Variants in EVPL observed in about 807,000 individuals in gnomAD.
EVPL encodes 210 kDa cornified envelope precursor protein.
Under a neutral mutation model 129.7 loss-of-function variants are expected in EVPL, and 94 were observed. That is an observed-to-expected ratio of 0.72 (90% CI 0.61 to 0.86). EVPL has a LOEUF of 0.86. EVPL is among the 40% of genes least tolerant of loss of function. EVPL has a pLI of 0.00. For missense variants in EVPL, 2,625 were observed against 2,721.1 expected (o/e 0.96, Z 0.79); for synonymous variants, 1,172 against 1,191.1 (o/e 0.98, Z 0.33).
In EVPL at chr17:76,024,222, C is replaced by G; in HGVS notation, c.99-102G>C. 1 of 1,079,526 alleles carries G rather than the reference C, an allele frequency of 9.3e-7. No individual in the cohort carries two copies. Among genetic ancestry groups the G allele is most frequent in the Non-Finnish European group, 1.4e-6 (1 of 728,370 alleles). 66.9% of individuals were successfully genotyped at this position (1,079,526 alleles called of 1,614,324 possible). ...CTCCCTCCACCCCATCCTGCCCCCA[C>G]AGCCTAGCTCACTGCCCTGACTTTG... On this transcript the variant is annotated intron_variant, in intron 1 of 21. Coordinates refer to ENST00000301607, the MANE Select transcript of EVPL (RefSeq NM_001988.4). The surrounding 1 kb of genome is among the most constrained non-coding windows in gnomAD (Gnocchi z 4.5).
At position 76,010,215 on chromosome 17, in the gene EVPL, G is replaced by A. The variant is rs1448388591; in HGVS notation, c.2990C>T (p.Ala997Val). 1 of 1,613,888 alleles carries A rather than the reference G, an allele frequency of 6.2e-7. No homozygotes were observed. The highest frequency in any genetic ancestry group is 1.7e-5 in the Admixed American group (1 of 60,010). Residue 997 changes from alanine to valine, a missense_variant, in exon 22 of 22, where the codon GCC (alanine) becomes GTC (valine). Physicochemically the swap from Ala to Val is moderately conservative, Grantham distance 64 (BLOSUM62 0). Transcript: ENST00000301607. ...AGLQADLEVA[A>V]QKVVQLESKR... ...GCTTTCCAGCTGCACGACCTTCTGGGCTGCCACTTCCAGGTCTGCCTGCAG... is the reference window on the plus strand; with the variant it reads ...GCTTTCCAGCTGCACGACCTTCTGGACTGCCACTTCCAGGTCTGCCTGCAG...
chr17:76,010,581 G>A (rs1315310439), intron 21 of EVPL, 38 bp from the exon 22 acceptor site: 2 of 1,559,808 alleles, frequency 1.3e-6, no homozygotes, highest in Non-Finnish European at 1.7e-6. Flanking sequence ...GGGGTGGGCG[G>A]TAGAGATAGG....
At position 76,011,999 on chromosome 17, in the gene EVPL, T is replaced by A; in HGVS notation, c.2457+7A>T. ...GGAGAGGGGCAAGCTGAAGGCAAGCTGCTTACCTGGAGCGCTGCCTGCAGG... is the reference window on the plus strand; with the variant it reads ...GGAGAGGGGCAAGCTGAAGGCAAGCAGCTTACCTGGAGCGCTGCCTGCAGG... On this transcript the variant is annotated splice_region_variant and intron_variant, in intron 19 of 21. Coordinates refer to ENST00000301607, the MANE Select transcript of EVPL (RefSeq NM_001988.4). 6.2e-7 allele frequency: 1 copy of A among 1,611,994 alleles called. No individual in the cohort carries two copies. The highest frequency in any genetic ancestry group is 8.5e-7 in the Non-Finnish European group (1 of 1,178,870).
chr17:76,020,294 TG>T (rs1360271768), intron 9 of EVPL, among the ~76,000 whole-genome samples: 13 of 152,226 alleles, frequency 8.5e-5, no homozygotes, highest in African/African-American at 2.7e-4. Context: ...CTCTTGCAAA[TG>T]GGGTCTTATT....
rs1370157121 is a variant in EVPL, at chr17:76,015,568, C to T, written c.1771G>A (p.Glu591Lys). The T allele has an allele frequency of 3.7e-6, 6 of 1,613,396 alleles. No homozygotes were observed. The African/African-American group carries it at 5.3e-5, about 14-fold the overall frequency. Residue 591 changes from glutamate (E) to lysine (K), a missense_variant, in exon 15 of 22, where the codon GAG becomes AAG. Glu to Lys is a moderately conservative substitution (Grantham distance 56). Transcript: ENST00000301607. ...TEKETAQKEC[E>K]AFLSTRPVGP... ...ACGGGCCGCGTGGACAGAAACGCCT[C>T]GCACTCCTTCTGGGCTGTCTCCTTC... is the stretch of plus-strand genomic sequence containing the variant.
chr17:76,016,315 T>C (rs939818756), intron 14 of EVPL, among the ~76,000 whole-genome samples: 37 of 152,216 alleles, frequency 2.4e-4, no homozygotes, highest in African/African-American at 8.4e-4. Flanking sequence ...GCCAAAGCCC[T>C]GGCTCTGCCC....
At position 76,023,157 on chromosome 17, in the gene EVPL, ACTCTGCTGTCT is replaced by A. The variant is rs1567917038; in HGVS notation, c.480+124_480+134del. 2.1e-6 allele frequency: 3 copies of A among 1,451,668 alleles called. No individual in the cohort carries two copies. In the Admixed American group the frequency reaches 5.6e-5, roughly 27 times the overall value. 89.9% of individuals were successfully genotyped at this position (1,451,668 alleles called of 1,614,324 possible). ...GAAGTCTTCCCTGACTGCACTGTCT[ACTCTGCTGTCT>A]CTCTGCCCAGACCCCTGAGCCACCC... On this transcript the variant is annotated intron_variant, in intron 4 of 21. Coordinates refer to ENST00000301607, the MANE Select transcript of EVPL (RefSeq NM_001988.4).
Position 76,022,127 on chromosome 17 carries a change from G to GGGTCC in EVPL, c.645+57_645+61dup. The GGGTCC allele has an allele frequency of 6.3e-7, 1 of 1,599,788 alleles. No homozygotes were observed. The highest frequency in any genetic ancestry group is 2.2e-5 in the East Asian group (1 of 44,652). On this transcript the variant is annotated intron_variant, in intron 6 of 21. Coordinates refer to ENST00000301607, the MANE Select transcript of EVPL (RefSeq NM_001988.4). This position sits in a 1 kb window ranked among gnomAD's most constrained non-coding sequence, Gnocchi z 5.6. ...CGCTCAGGAACACTGGCCCCGGGCAGGGTCCGGGCGGCCACCCAGGCCCAC... is the reference window on the plus strand; with the variant it reads ...CGCTCAGGAACACTGGCCCCGGGCAGGGTCCGGTCCGGGCGGCCACCCAGGCCCAC...
chr17:76,010,383 T>C lies in EVPL; in HGVS notation c.2822A>G (p.Gln941Arg). The C allele has an allele frequency of 1.2e-6, 2 of 1,613,970 alleles. No individual in the cohort carries two copies. The highest frequency in any genetic ancestry group is 8.5e-7 in the Non-Finnish European group (1 of 1,180,004). ...VQHELEAQRS[Q>R]LLQLRTQRPL... ...CCGCTGGGTCCTCAGCTGCAGCAGT[T>C]GGCTCCTCTGCGCCTCCAGCTCATG... is the stretch of plus-strand genomic sequence containing the variant. The change falls in exon 22 of 22, where the codon CAA (glutamine) becomes CGA (arginine). Residue 941 changes from glutamine (Q) to arginine (R), a missense_variant. By Grantham distance (43) the Gln-to-Arg change is conservative (BLOSUM62 1). Around this residue, in one of 4 missense-constraint regions of EVPL, gnomAD observed 1,453 missense variants for 1,511.8 expected, o/e 0.96. Coordinates refer to ENST00000301607, the MANE Select transcript of EVPL (RefSeq NM_001988.4).
Position 76,024,200 on chromosome 17 carries a change from C to G in EVPL, c.99-80G>C. On this transcript the variant is annotated intron_variant, in intron 1 of 21. Coordinates refer to ENST00000301607, the MANE Select transcript of EVPL (RefSeq NM_001988.4). This position sits in a 1 kb window ranked among gnomAD's most constrained non-coding sequence, Gnocchi z 4.5. Reference sequence around the variant, plus strand: ...CATCCAGGTGGCATCCCCTGCCCTCCCTCCACCCCATCCTGCCCCCACAGC... The same window carrying G: ...CATCCAGGTGGCATCCCCTGCCCTCGCTCCACCCCATCCTGCCCCCACAGC... 1.5e-6 allele frequency: 2 copies of G among 1,333,662 alleles called. No individual in the cohort carries two copies. The highest frequency in any genetic ancestry group is 1.9e-5 in the Admixed American group (1 of 51,966). 82.6% of individuals were successfully genotyped at this position (1,333,662 alleles called of 1,614,324 possible).
chr17:76,020,682 T>A (rs961418734), intron 9 of EVPL, among the ~76,000 whole-genome samples: 1 of 151,576 alleles, frequency 6.6e-6, no homozygotes, highest in Non-Finnish European at 1.5e-5. Context: ...TCCCCCCACC[T>A]CATCCCCATA....
Position 76,022,349 on chromosome 17 carries a change from C to T in EVPL, c.606+64G>A, listed in dbSNP as rs2066467446. 6.2e-7 allele frequency: 1 copy of T among 1,608,712 alleles called. No homozygotes were observed. Among genetic ancestry groups the T allele is most frequent in the Non-Finnish European group, 8.5e-7 (1 of 1,177,680 alleles). On this transcript the variant is annotated intron_variant, in intron 5 of 21. Transcript: ENST00000301607. The surrounding 1 kb of genome is among the most constrained non-coding windows in gnomAD (Gnocchi z 5.6). Reference sequence around the variant, plus strand: ...CCCCAGGGCCCAGCCGATCTAGCTCCGGCTCTGACTGGAGAAACGGGCTGG... The same window carrying T: ...CCCCAGGGCCCAGCCGATCTAGCTCTGGCTCTGACTGGAGAAACGGGCTGG...
At position 76,017,799 on chromosome 17, in the gene EVPL, C is replaced by T. The variant is rs768022022; in HGVS notation, c.1650G>A (p.Arg550=). 9.3e-6 allele frequency: 15 copies of T among 1,613,272 alleles called. No individual in the cohort carries two copies. In the African/African-American group the frequency reaches 2.0e-4, roughly 22 times the overall value. ...AGGGTGTGGGGCGGCTCAGCGGGGC[C>T]CGCGCCCAGGCCAGCACCTGCCTCT... ...QIERQVLAWA[R]APLSRPTPLE... The change falls in exon 14 of 22, where the codon CGG becomes CGA. Residue 550 remains arginine, a synonymous_variant. Transcript: ENST00000301607.
Position 76,009,644 on chromosome 17 carries a change from CCT to C in EVPL, c.3559_3560del (p.Arg1187AlafsTer74), listed in dbSNP as rs2066358151. On this transcript the variant is annotated frameshift_variant, in exon 22 of 22. Transcript: ENST00000301607. LOFTEE classifies it low-confidence loss of function (END_TRUNC). The surrounding 1 kb of genome is among the most constrained non-coding windows in gnomAD (Gnocchi z 5.9). ...CGCGCTCCTGGAGCTGCACTTTGGG[CCT>C]CTGCTTCTCCACCACGCTGTACTTG... ...HSKYSVVEKQ[R>X]PKVQLQERVH... 1 of 1,613,700 alleles carries C rather than the reference CCT, an allele frequency of 6.2e-7. No homozygotes were observed. Among genetic ancestry groups the C allele is most frequent in the East Asian group, 2.2e-5 (1 of 44,888 alleles).
At chr17:76,010,758 G>A (rs1351147121) in intron 21 of EVPL, among the ~76,000 whole-genome samples, 1 of 152,184 alleles carries the variant, frequency 6.6e-6, no homozygotes, top group Non-Finnish European at 1.5e-5. Flanking sequence ...GGCCTGGTTT[G>A]CATTAGAAAG....
intron 9 of EVPL, among the ~76,000 whole-genome samples, chr17:76,021,016 C>T (rs980165951): frequency 2.0e-5 from 3 of 152,202 alleles, no homozygotes; most frequent in African/African-American, 7.2e-5. Context: ...TGTGCCCATG[C>T]CTTTCTTTCC....
intron 1 of EVPL, among the ~76,000 whole-genome samples, chr17:76,025,707 C>T (rs2083727871): frequency 6.6e-6 from 1 of 152,218 alleles, no homozygotes; most frequent in Non-Finnish European, 1.5e-5. Flanking sequence ...GTGCCTTGAT[C>T]CCTATCGGGG....
Position 76,008,312 on chromosome 17 carries a change from C to T in EVPL, c.4893G>A (p.Ala1631=), listed in dbSNP as rs753669410. The change falls in exon 22 of 22, where the codon GCG becomes GCA. Residue 1631 remains alanine, a synonymous_variant. Coordinates refer to ENST00000301607, the MANE Select transcript of EVPL (RefSeq NM_001988.4). The surrounding 1 kb of genome is among the most constrained non-coding windows in gnomAD (Gnocchi z 7.4). The part of the protein sequence containing the change: ...SQKTESERQK[A]AQRGQELSRL... ...GCGAGAGCTCCTGGCCCCGCTGGGC[C>T]GCCTTCTGTCGCTCGCTCTCCGTCT... 5 of 1,608,326 alleles carry T rather than the reference C, an allele frequency of 3.1e-6. No individual in the cohort carries two copies. The highest frequency in any genetic ancestry group is 1.6e-4 in the Middle Eastern group (1 of 6,062).
chr17:76,014,513 C>T lies in EVPL; in HGVS notation c.2286G>A (p.Leu762=), dbSNP rs748682316. Residue 762 remains leucine (L), a synonymous_variant, in exon 18 of 22, where the codon CTG becomes CTA. Transcript: ENST00000301607. ...GGGGCAGGTGCTCCAGCCAGGAGCT[C>T]AGGTTATCCTTGCAGTTCTTGAACT... ...YQQFKNCKDN[L]SSWLEHLPRS... The T allele has an allele frequency of 3.7e-6, 6 of 1,612,382 alleles. No homozygotes were observed. The Admixed American group carries it at 1.0e-4, about 27-fold the overall frequency.
Sources: gnomAD v4.1 joint callset for allele counts (sites outside exome capture counted in the v4.1 genomes callset) on GRCh38, gnomAD v4.1.1 for gene constraint, gnomAD v4.1.1 regional missense constraint, Gnocchi (gnomAD v3.1) non-coding constraint, MANE v1.5 for transcripts, NCBI Gene and HGNC (gene_info 2026-07-23, HGNC 2026-07-21) for gene names.